AATF: variants seen among roughly 807,000 people sequenced by gnomAD.
AATF encodes protein AATF.
In AATF, 48 loss-of-function variants were observed where a neutral mutation model predicts 63.7. The observed-to-expected ratio is 0.75, with a 90% CI of 0.60 to 0.96. AATF has a LOEUF of 0.96. Ranked by LOEUF, AATF falls within the 40% of genes least tolerant of loss-of-function variation. AATF has a pLI of 0.00. For missense variants in AATF, 639 were observed against 685.7 expected, an observed-to-expected ratio of 0.93 and a Z score of 0.76; for synonymous variants, 258 against 247.7, an observed-to-expected ratio of 1.04 and a Z score of -0.39.
At position 36,953,802 on chromosome 17, in the gene AATF, A is replaced by G. The variant is rs1462286355; in HGVS notation, c.727A>G (p.Lys243Glu). Residue 243 changes from lysine to glutamate, a missense_variant, in exon 4 of 12, where the codon AAA becomes GAA. Transcript: ENST00000619387. ...GGACCAGCTCTTGGAAGGAAGGATC[A>G]AACTACAAAAAGCTCTGTTGACCAC... ...LWDQLLEGRI[K>E]LQKALLTTNQ... 2.5e-6 allele frequency: 4 copies of G among 1,614,104 alleles called. No homozygotes were observed. Among genetic ancestry groups the G allele is most frequent in the Non-Finnish European group, 3.4e-6 (4 of 1,180,014 alleles).
intron 11 of AATF, among the ~76,000 whole-genome samples, chr17:37,032,523 G>A (rs1157456643): frequency 6.6e-6 from 1 of 152,108 alleles, no homozygotes; most frequent in African/African-American, 2.4e-5. Context: ...TCTGTTTAGT[G>A]GATTGTGGTA....
At chr17:36,967,898 T>A (rs2071004416) in intron 4 of AATF, among the ~76,000 whole-genome samples, 1 of 150,932 alleles carries the variant, frequency 6.6e-6, no homozygotes, top group Non-Finnish European at 1.5e-5. Context: ...AACTGCAGAC[T>A]TTTCTTTGTC....
At chr17:36,996,196 C>G (rs181127277) in intron 8 of AATF, among the ~76,000 whole-genome samples, 3 of 152,048 alleles carry the variant, frequency 2.0e-5, no homozygotes, top group Non-Finnish European at 4.4e-5. Flanking sequence ...CTTTGGGAGG[C>G]CAAAGTGGGT....
intron 11 of AATF, chr17:37,034,933 G>C (rs1028119209): frequency 5.3e-5 from 8 of 151,918 alleles, no homozygotes; most frequent in African/African-American, 1.9e-4. Context: ...AGACCATCCT[G>C]GCTAACACGG....
intron 4 of AATF, among the ~76,000 whole-genome samples, chr17:36,964,050 A>T (rs2070971056): frequency 6.6e-6 from 1 of 151,858 alleles, no homozygotes; most frequent in South Asian, 2.1e-4. Context: ...ACAAAAAAAG[A>T]GAATGGGGAA....
At chr17:37,053,118 A>G (rs1329973496) in intron 11 of AATF, among the ~76,000 whole-genome samples, 1 of 152,196 alleles carries the variant, frequency 6.6e-6, no homozygotes, top group African/African-American at 2.4e-5. Flanking sequence ...AAAACAAAAA[A>G]ATAGGAGTAG....
At chr17:37,004,793 A>G (rs937085501) in intron 8 of AATF, among the ~76,000 whole-genome samples, 2 of 152,180 alleles carry the variant, frequency 1.3e-5, no homozygotes, top group South Asian at 2.1e-4. Context: ...GCGTAGCTGC[A>G]CTGTCAGGTA....
intron 8 of AATF, among the ~76,000 whole-genome samples, chr17:37,002,614 G>T (rs2071309137): frequency 6.6e-6 from 1 of 151,612 alleles, no homozygotes; most frequent in African/African-American, 2.4e-5. Flanking sequence ...GGAGCTTGCA[G>T]TGAGCCAAGA....
chr17:36,992,420 A>G (rs994966406), intron 8 of AATF, among the ~76,000 whole-genome samples: 3 of 152,178 alleles, frequency 2.0e-5, no homozygotes, highest in Non-Finnish European at 4.4e-5. Context: ...TAGAGTGTCT[A>G]AGGAAGTACC....
At chr17:36,982,270 A>G (rs1274955275) in intron 4 of AATF, among the ~76,000 whole-genome samples, 1 of 144,588 alleles carries the variant, frequency 6.9e-6, no homozygotes, top group Admixed American at 7.0e-5. Flanking sequence ...AGTTTGAAGC[A>G]TTATAGATGA....
chr17:36,978,246 C>T (rs1371251647), intron 4 of AATF, among the ~76,000 whole-genome samples: 1 of 152,082 alleles, frequency 6.6e-6, no homozygotes, highest in East Asian at 1.9e-4. Context: ...TCCCCCAATT[C>T]CCCACATCAT....
chr17:37,025,839 C>T (rs916752500), intron 10 of AATF, among the ~76,000 whole-genome samples: 12 of 152,118 alleles, frequency 7.9e-5, no homozygotes, highest in African/African-American at 2.9e-4. Flanking sequence ...GCAAGGTCCA[C>T]AATAGATGCT....
At chr17:36,950,445 AT>A in intron 2 of AATF, 40 bp downstream of exon 2, 4 of 1,581,038 alleles carry the variant, frequency 2.5e-6, no homozygotes, top group Non-Finnish European at 3.5e-6. Flanking sequence ...CTCTTCCCTA[AT>A]TTTTTCAGGG....
At chr17:36,978,876 A>C (rs1172101633) in intron 4 of AATF, among the ~76,000 whole-genome samples, 1 of 151,792 alleles carries the variant, frequency 6.6e-6, no homozygotes, top group Non-Finnish European at 1.5e-5. Flanking sequence ...GATACAGTGG[A>C]GCCTTCACGC....
intron 11 of AATF, among the ~76,000 whole-genome samples, chr17:37,053,940 G>A (rs771327871): frequency 2.0e-5 from 3 of 152,170 alleles, no homozygotes; most frequent in Non-Finnish European, 4.4e-5. Flanking sequence ...TCCATTGCAG[G>A]CATTACAAAA....
intron 8 of AATF, among the ~76,000 whole-genome samples, chr17:37,015,827 C>G (rs1300093624): frequency 6.6e-6 from 1 of 152,168 alleles, no homozygotes; most frequent in Admixed American, 6.5e-5. Flanking sequence ...CAGAGATTAA[C>G]ATAGAGCCTT....
intron 10 of AATF, among the ~76,000 whole-genome samples, chr17:37,028,541 T>C (rs1310356884): frequency 6.6e-6 from 1 of 152,038 alleles, no homozygotes; most frequent in Non-Finnish European, 1.5e-5. Context: ...ATCCGAGCAC[T>C]TTTGGAGGCC....
intron 2 of AATF, among the ~76,000 whole-genome samples, chr17:36,951,639 A>G (rs2070856077): frequency 6.6e-6 from 1 of 152,216 alleles, no homozygotes; most frequent in African/African-American, 2.4e-5. Flanking sequence ...TAGTAAGTGG[A>G]AGAAACATGA....
chr17:36,949,021 G>GA lies in AATF; in HGVS notation c.-103dup. ...CCGCGCGGTCTCTGGCGGAGTCGGG[G>GA]AATCGGATCAAGGCGAGAGGATCCG... On this transcript the variant is annotated 5_prime_UTR_variant, in exon 1 of 12. Coordinates refer to ENST00000619387, the MANE Select transcript of AATF (RefSeq NM_012138.4). The GA allele has an allele frequency of 9.1e-7, 1 of 1,097,562 alleles. No homozygotes were observed. The highest frequency in any genetic ancestry group is 1.3e-6 in the Non-Finnish European group (1 of 763,462). The allele number at this position is 1,097,562 out of a possible 1,614,324, so 68.0% of individuals were successfully genotyped here. A position where few individuals can be genotyped will look rare whatever the true frequency, so the allele number is the denominator to read the frequency against.
Sources: gnomAD v4.1 joint callset for allele counts (sites outside exome capture counted in the v4.1 genomes callset) on GRCh38, gnomAD v4.1.1 for gene constraint, MANE v1.5 for transcripts, NCBI Gene and HGNC (gene_info 2026-07-23, HGNC 2026-07-21) for gene names.